Variants in STK32B observed in about 807,000 individuals in gnomAD.
STK32B encodes the protein serine/threonine kinase 32B, also known as serine/threonine-protein kinase 32B.
Under a neutral mutation model 52.6 loss-of-function variants are expected in STK32B, and 43 were observed. The ratio of observed to expected loss-of-function variants is 0.82; its 90% CI spans 0.64 to 1.05. The LOEUF (loss-of-function observed/expected upper bound fraction) is 1.05. Among genes scored for constraint, STK32B ranks in the 50% least tolerant of loss-of-function variants. STK32B has a pLI of 0.00. For synonymous variants in STK32B, 238 were observed against 204.3 expected (o/e 1.17, Z -1.41); for missense variants, 621 against 534.6 (o/e 1.16, Z -1.59).
upstream of STK32B, among the ~76,000 whole-genome samples, chr4:5,046,739 A>C (rs962168206): frequency 3.3e-5 from 5 of 152,184 alleles, no homozygotes; most frequent in African/African-American, 7.2e-5. Flanking sequence ...ATGAAAAAAA[A>C]CTCAACATCA....
chr4:5,267,876 C>A (rs1727156786), intron 3 of STK32B, among the ~76,000 whole-genome samples: 1 of 152,208 alleles, frequency 6.6e-6, no homozygotes, highest in Admixed American at 6.5e-5. Flanking sequence ...TCTCTGGAGG[C>A]TGCCCAGAAG....
intron 1 of STK32B, among the ~76,000 whole-genome samples, chr4:5,060,315 A>G (rs1429886946): frequency 6.6e-6 from 1 of 152,188 alleles, no homozygotes; most frequent in Non-Finnish European, 1.5e-5. Context: ...AACATTATTC[A>G]TATCCTCTTA....
chr4:5,103,688 A>T (rs891290382), intron 1 of STK32B, among the ~76,000 whole-genome samples: 3 of 152,162 alleles, frequency 2.0e-5, no homozygotes, highest in African/African-American at 7.2e-5. Context: ...GATTTAGAAG[A>T]TATTAACAAA....
chr4:5,134,665 G>T (rs1343236950), intron 1 of STK32B, among the ~76,000 whole-genome samples: 2 of 152,144 alleles, frequency 1.3e-5, no homozygotes, highest in Non-Finnish European at 2.9e-5. Context: ...TTAATCATTG[G>T]ACTAGCCAGA....
At chr4:5,463,823 C>A (rs1281259458) in intron 9 of STK32B, among the ~76,000 whole-genome samples, 1 of 152,206 alleles carries the variant, frequency 6.6e-6, no homozygotes, top group African/African-American at 2.4e-5. Flanking sequence ...ACAAGGCAGT[C>A]TCCTACCCCT....
chr4:5,176,142 C>G (rs372674180), intron 3 of STK32B, among the ~76,000 whole-genome samples: 1 of 152,206 alleles, frequency 6.6e-6, no homozygotes, highest in Non-Finnish European at 1.5e-5. Context: ...TTGTTGCGCC[C>G]ATTGGAAAAG....
At chr4:5,493,714 T>G (rs1719947347) in intron 11 of STK32B, among the ~76,000 whole-genome samples, 1 of 152,214 alleles carries the variant, frequency 6.6e-6, no homozygotes, top group Non-Finnish European at 1.5e-5. Context: ...TTGTGGGCAT[T>G]TAGTGCTATA....
intron 4 of STK32B, among the ~76,000 whole-genome samples, chr4:5,336,239 A>G (rs989013131): frequency 3.3e-5 from 5 of 151,296 alleles, no homozygotes; most frequent in African/African-American, 1.2e-4. Context: ...AGGGAACTCA[A>G]GTGATTTCAA....
chr4:5,059,328 A>G (rs1223099087), intron 1 of STK32B, among the ~76,000 whole-genome samples: 1 of 152,048 alleles, frequency 6.6e-6, no homozygotes, highest in Admixed American at 6.6e-5. Context: ...ACAATTAAGT[A>G]TTATATTAGC....
intron 1 of STK32B, among the ~76,000 whole-genome samples, chr4:5,116,047 GGA>G (rs1035415242): frequency 3.3e-5 from 5 of 152,022 alleles, no homozygotes; most frequent in Non-Finnish European, 7.4e-5. Context: ...TCCTTAAGTG[GGA>G]GAGACAGACC....
intron 1 of STK32B, among the ~76,000 whole-genome samples, chr4:5,132,968 T>G (rs1311997263): frequency 2.0e-5 from 3 of 152,140 alleles, no homozygotes; most frequent in African/African-American, 7.2e-5. Flanking sequence ...CTGGCTAATT[T>G]TTGTATTTTT....
chr4:5,020,056 C>T, the STK32B span, among the ~76,000 whole-genome samples: 11 of 152,136 alleles, frequency 7.2e-5, no homozygotes, highest in African/African-American at 1.7e-4. Context: ...TCTCTCGGTC[C>T]GGAGGATGGG....
intron 2 of STK32B, among the ~76,000 whole-genome samples, chr4:5,159,293 G>C (rs1164946624): frequency 6.6e-6 from 1 of 151,920 alleles, no homozygotes; most frequent in Non-Finnish European, 1.5e-5. Context: ...CACTCTTTAA[G>C]GGACTACGGA....
chr4:5,359,385 C>CA, intron 4 of STK32B, among the ~76,000 whole-genome samples: 2 of 148,604 alleles, frequency 1.3e-5, no homozygotes, highest in East Asian at 2.0e-4. Context: ...CCAACCCTCC[C>CA]TCCCTCCCTC....
chr4:5,196,306 C>G (rs1343891386), intron 3 of STK32B, among the ~76,000 whole-genome samples: 1 of 145,550 alleles, frequency 6.9e-6, no homozygotes, highest in Non-Finnish European at 1.5e-5. Flanking sequence ...CCTTTTCCCT[C>G]TCTTTCCTCT....
intron 3 of STK32B, among the ~76,000 whole-genome samples, chr4:5,272,666 G>C (rs1727524008): frequency 6.6e-6 from 1 of 151,990 alleles, no homozygotes; most frequent in South Asian, 2.1e-4. Context: ...GAACAGAACA[G>C]AGCCCTCAGA....
intron 11 of STK32B, among the ~76,000 whole-genome samples, chr4:5,477,244 A>G (rs1042055904): frequency 7.9e-5 from 12 of 152,190 alleles, no homozygotes; most frequent in Non-Finnish European, 8.8e-5. Flanking sequence ...ACACAGGGGC[A>G]ACTAGTAACT....
chr4:5,429,869 GT>G (rs1035590694), intron 6 of STK32B, among the ~76,000 whole-genome samples: 43 of 150,600 alleles, frequency 2.9e-4, no homozygotes, highest in East Asian at 1.8e-3. Context: ...TAAGAGGGTG[GT>G]TTTTTTTTCC....
At chr4:5,110,375 A>G (rs1484923062) in intron 1 of STK32B, among the ~76,000 whole-genome samples, 2 of 152,090 alleles carry the variant, frequency 1.3e-5, no homozygotes, top group Non-Finnish European at 2.9e-5. Context: ...CTACCAGGCC[A>G]TGGTAACTAA....
Sources: gnomAD v4.1 joint callset for allele counts (sites outside exome capture counted in the v4.1 genomes callset) on GRCh38, gnomAD v4.1.1 for gene constraint, MANE v1.5 for transcripts, NCBI Gene and HGNC (gene_info 2026-07-23, HGNC 2026-07-21) for gene names.